The following TMEM266 variants were observed in gnomAD, a reference collection of about 807,000 sequenced individuals.
The protein encoded by TMEM266 is transmembrane protein 266.
In TMEM266, 33 loss-of-function variants were observed where a neutral mutation model predicts 50.5. The observed-to-expected ratio is 0.65, with a 90% CI of 0.50 to 0.87. The LOEUF is 0.87. Among genes scored for constraint, TMEM266 ranks in the 40% least tolerant of loss-of-function variants. TMEM266 has a pLI of 0.00. For synonymous variants in TMEM266, 310 were observed against 292.3 expected, an observed-to-expected ratio of 1.06 and a Z score of -0.62; for missense variants, 655 against 695.1, an observed-to-expected ratio of 0.94 and a Z score of 0.65.
chr15:76,169,336 G>A (rs750173876), intron 5 of TMEM266, among the ~76,000 whole-genome samples: 1 of 152,044 alleles, frequency 6.6e-6, no homozygotes, highest in Non-Finnish European at 1.5e-5. Context: ...GGAGATTTGG[G>A]GTCGGGGAGT....
intron 1 of TMEM266, chr15:76,112,420 C>T (rs1285169053): frequency 6.6e-6 from 1 of 152,188 alleles, no homozygotes; most frequent in Non-Finnish European, 1.5e-5. Flanking sequence ...GTACTTTCTG[C>T]TCAGTTTTTC....
chr15:76,091,150 A>G (rs1386809079), intron 1 of TMEM266, among the ~76,000 whole-genome samples: 5 of 152,212 alleles, frequency 3.3e-5, no homozygotes, highest in African/African-American at 1.2e-4. Flanking sequence ...AGTGAAAGCC[A>G]TAGTGTTGAA....
intron 5 of TMEM266, among the ~76,000 whole-genome samples, chr15:76,169,176 A>G (rs1023660670): frequency 4.6e-5 from 7 of 152,044 alleles, no homozygotes; most frequent in African/African-American, 1.7e-4. Context: ...TTAAGGGCAC[A>G]ACCTAAAAGT....
At chr15:76,121,495 C>T (rs1811630466) in intron 1 of TMEM266, among the ~76,000 whole-genome samples, 2 of 152,102 alleles carry the variant, frequency 1.3e-5, no homozygotes, top group South Asian at 4.1e-4. Context: ...CAGCTCACTG[C>T]AACCTCTGCC....
At chr15:76,146,218 G>A (rs538254396) in intron 3 of TMEM266, among the ~76,000 whole-genome samples, 6 of 152,236 alleles carry the variant, frequency 3.9e-5, no homozygotes, top group South Asian at 4.1e-4. Context: ...GGTGGGGGTC[G>A]TCACCCCCAC....
At chr15:76,144,508 C>T (rs553664248) in intron 3 of TMEM266, among the ~76,000 whole-genome samples, 19 of 152,276 alleles carry the variant, frequency 1.2e-4, no homozygotes, top group South Asian at 6.2e-4. Flanking sequence ...AAGCCCATGC[C>T]GTGTGGGCTC....
rs2038132000 is a variant in TMEM266 at position 76,168,460 on chromosome 15, G to T, written c.457-1356G>T. 6.6e-6 allele frequency among the ~76,000 whole-genome samples: 1 copy of T among 152,210 alleles called. No homozygotes were observed. The highest frequency in any genetic ancestry group is 1.5e-5 in the Non-Finnish European group (1 of 68,044). Reference sequence around the variant, plus strand: ...GCTAGGCTTGTACTACAGGCATGCGGGAGAGGGGCACCATCTGGTGTGAAT... The same window carrying T: ...GCTAGGCTTGTACTACAGGCATGCGTGAGAGGGGCACCATCTGGTGTGAAT... On this transcript the variant is annotated intron_variant, in intron 5 of 10. Coordinates refer to ENST00000388942, the MANE Select transcript of TMEM266 (RefSeq NM_152335.3). The surrounding 1 kb of genome is among the most constrained non-coding windows in gnomAD (Gnocchi z 4.4).
chr15:76,191,825 C>G, intron 8 of TMEM266, 143 bp from the exon 9 acceptor site: 3 of 751,310 alleles, frequency 4.0e-6, no homozygotes, highest in Non-Finnish European at 4.0e-6. Context: ...CTGGGAGATT[C>G]CTAAGGAATC....
intron 1 of TMEM266, among the ~76,000 whole-genome samples, chr15:76,100,117 A>C (rs1182546042): frequency 6.6e-6 from 1 of 152,182 alleles, no homozygotes; most frequent in South Asian, 2.1e-4. Flanking sequence ...ACAGAGGGAA[A>C]CATATCACTG....
intron 8 of TMEM266, among the ~76,000 whole-genome samples, chr15:76,184,529 C>G (rs1198995027): frequency 2.6e-5 from 4 of 152,308 alleles, no homozygotes; most frequent in Middle Eastern, 3.4e-3. Flanking sequence ...TGGATGCTAT[C>G]CCAACAGCAG....
Position 76,204,302 on chromosome 15 carries a change from T to TC in TMEM266, c.1586dup (p.Glu530Ter). ...TCCAAAGAGCAAAAGCTGCACAGGG[T>TC]CCCTGAGGCCTAGAGCCTGCCATGG... is the stretch of plus-strand genomic sequence containing the variant. On this transcript the variant is annotated frameshift_variant, in exon 11 of 11. Transcript: ENST00000388942. LOFTEE classifies it high-confidence loss of function. 5 of 1,607,758 alleles carry TC rather than the reference T, an allele frequency of 3.1e-6. No individual in the cohort carries two copies. Among genetic ancestry groups the TC allele is most frequent in the Non-Finnish European group, 4.3e-6 (5 of 1,175,532 alleles).
chr15:76,102,765 G>C (rs1269728584), intron 1 of TMEM266, among the ~76,000 whole-genome samples: 1 of 151,566 alleles, frequency 6.6e-6, no homozygotes, highest in Non-Finnish European at 1.5e-5. Context: ...CTTGAACCCG[G>C]GAGGCGGAGG....
intron 10 of TMEM266, among the ~76,000 whole-genome samples, 186 bp downstream of exon 10, chr15:76,202,450 G>A (rs575866677): frequency 6.6e-6 from 1 of 152,332 alleles, no homozygotes; most frequent in Admixed American, 6.5e-5. Flanking sequence ...GGAGCTGGGG[G>A]TCCCCAGGGG....
chr15:76,166,440 G>A (rs560136314), intron 5 of TMEM266, among the ~76,000 whole-genome samples: 3 of 152,350 alleles, frequency 2.0e-5, no homozygotes, highest in South Asian at 4.1e-4. Flanking sequence ...GCTCAAGCCA[G>A]GCCTCCGAGG....
At chr15:76,152,941 G>C (rs916794615) in intron 3 of TMEM266, among the ~76,000 whole-genome samples, 1 of 152,044 alleles carries the variant, frequency 6.6e-6, no homozygotes, top group Non-Finnish European at 1.5e-5. Flanking sequence ...TGACTTCAAG[G>C]CCGTCATCCC....
chr15:76,134,973 G>A (rs541397395), intron 2 of TMEM266, among the ~76,000 whole-genome samples: 7 of 152,326 alleles, frequency 4.6e-5, no homozygotes, highest in African/African-American at 1.2e-4. Context: ...TCTGCTCCAC[G>A]TCTCTCATCC....
chr15:76,171,238 C>T (rs892309674), intron 7 of TMEM266, 107 bp downstream of exon 7: 23 of 1,452,530 alleles, frequency 1.6e-5, no homozygotes, highest in East Asian at 9.7e-5. Flanking sequence ...GGCGTCAGGA[C>T]GGAAGGTGAA....
At chr15:76,152,195 CA>C (rs1664449151) in intron 3 of TMEM266, among the ~76,000 whole-genome samples, 1 of 152,198 alleles carries the variant, frequency 6.6e-6, no homozygotes, top group African/African-American at 2.4e-5. Flanking sequence ...GAGTCACCCC[CA>C]TGTGCCTTGC....
intron 8 of TMEM266, among the ~76,000 whole-genome samples, chr15:76,180,197 A>G (rs1470579209): frequency 6.6e-6 from 1 of 152,178 alleles, no homozygotes; most frequent in East Asian, 1.9e-4. Flanking sequence ...ATTTGTTACA[A>G]TGAACAAACC....
Sources: allele counts gnomAD v4.1 joint callset (sites outside exome capture counted in the v4.1 genomes callset), GRCh38; gene constraint gnomAD v4.1.1; non-coding constraint Gnocchi (gnomAD v3.1); transcripts MANE v1.5; gene names NCBI Gene and HGNC (gene_info 2026-07-23, HGNC 2026-07-21).